MSRA: variants seen among roughly 807,000 people sequenced by gnomAD.
The protein encoded by MSRA is mitochondrial peptide methionine sulfoxide reductase.
A neutral mutation model predicts 31.3 loss-of-function variants in MSRA; 54 were observed. The ratio of observed to expected loss-of-function variants is 1.73; its 90% CI spans 1.39 to 2.17. The LOEUF (loss-of-function observed/expected upper bound fraction) is 2.17, where lower values mean the gene tolerates loss of function less well. MSRA is among the 30% of genes most tolerant of loss of function. The pLI is 0.00. For synonymous variants in MSRA, 169 were observed against 116.5 expected (o/e 1.45, Z -2.90); for missense variants, 507 against 300.9 (o/e 1.69, Z -5.07).
At chr8:10,109,074 G>C (rs116758804) in intron 1 of MSRA, among the ~76,000 whole-genome samples, 1,552 of 152,262 alleles carry the variant, frequency 0.01, 27 homozygotes, top group African/African-American at 0.034. Context: ...TCTGGCCAGC[G>C]CATTCCCTTT....
chr8:10,066,754 C>G (rs998137311), intron 1 of MSRA, among the ~76,000 whole-genome samples: 3 of 151,850 alleles, frequency 2.0e-5, no homozygotes, highest in South Asian at 2.1e-4. Flanking sequence ...GGGCTGGTCT[C>G]GAACTCCTGA....
chr8:10,355,388 CTTT>C (rs1804449261), intron 5 of MSRA, among the ~76,000 whole-genome samples: 1 of 152,216 alleles, frequency 6.6e-6, no homozygotes, highest in Admixed American at 6.5e-5. Flanking sequence ...GCCATCACTT[CTTT>C]GATTGTCACT....
intron 1 of MSRA, among the ~76,000 whole-genome samples, chr8:10,083,149 G>T (rs184264937): frequency 6.6e-6 from 1 of 152,194 alleles, no homozygotes; most frequent in East Asian, 1.9e-4. Flanking sequence ...ATTTTTTTCT[G>T]TGTTAAAAAT....
chr8:10,234,635 G>A (rs1051765865), intron 2 of MSRA, among the ~76,000 whole-genome samples: 1 of 152,040 alleles, frequency 6.6e-6, no homozygotes, highest in African/African-American at 2.4e-5. Flanking sequence ...TTACTAATTA[G>A]AGGAAGAGAT....
intron 1 of MSRA, among the ~76,000 whole-genome samples, chr8:10,071,849 A>G (rs1797747316): frequency 6.6e-6 from 1 of 152,166 alleles, no homozygotes; most frequent in Admixed American, 6.5e-5. Context: ...TGCCCGCTGT[A>G]TCTCAGTACG....
intron 1 of MSRA, among the ~76,000 whole-genome samples, chr8:10,172,206 A>G (rs1471847289): frequency 1.3e-5 from 2 of 152,106 alleles, no homozygotes; most frequent in Non-Finnish European, 2.9e-5. Context: ...TCACGGGAGT[A>G]TGGGTTGGTG....
Position 10,285,007 on chromosome 8 carries a change from T to C in MSRA, c.332-16527T>C, listed in dbSNP as rs972220988. ...ATTTATCTAGATTTTCATGACTTCC[T>C]CCCCAATCTTTTTTTCTTTAAAAAA... On this transcript the variant is annotated intron_variant, in intron 3 of 5. Transcript: ENST00000317173. Among the ~76,000 whole-genome samples the C allele has an allele frequency of 6.1e-5, 8 of 131,310 alleles. No individual in the cohort carries two copies. The East Asian group carries it at 1.1e-3, about 19-fold the overall frequency. 86.1% of individuals were successfully genotyped at this position (131,310 alleles called of 152,430 possible). A position where few individuals can be genotyped will look rare whatever the true frequency, so the allele number is the denominator to read the frequency against.
chr8:10,153,401 C>A (rs1803879389), intron 1 of MSRA, among the ~76,000 whole-genome samples: 1 of 152,168 alleles, frequency 6.6e-6, no homozygotes, highest in Non-Finnish European at 1.5e-5. Context: ...TGTATACTTT[C>A]TTCCTTTTCC....
chr8:10,394,585 C>G (rs947209208), intron 5 of MSRA, among the ~76,000 whole-genome samples: 8 of 152,226 alleles, frequency 5.3e-5, no homozygotes, highest in African/African-American at 1.7e-4. Flanking sequence ...ACATCCATTT[C>G]AAAGATGGGA....
intron 1 of MSRA, among the ~76,000 whole-genome samples, chr8:10,155,497 G>C (rs1804081302): frequency 6.6e-6 from 1 of 152,198 alleles, no homozygotes; most frequent in Admixed American, 6.5e-5. Flanking sequence ...CAGCTGAAGA[G>C]CGTAGAAGCT....
chr8:10,379,553 C>A (rs1170415273), intron 5 of MSRA, among the ~76,000 whole-genome samples: 1 of 152,212 alleles, frequency 6.6e-6, no homozygotes, highest in East Asian at 1.9e-4. Context: ...GCCAGTCCTT[C>A]CTCTCATGCC....
chr8:10,218,676 T>C (rs1352242008), intron 2 of MSRA, among the ~76,000 whole-genome samples: 3 of 152,256 alleles, frequency 2.0e-5, no homozygotes, highest in African/African-American at 7.2e-5. Context: ...TTTTGCTCCA[T>C]GTATCTGAGC....
chr8:10,157,024 C>A (rs1804212001), intron 1 of MSRA, among the ~76,000 whole-genome samples: 1 of 151,880 alleles, frequency 6.6e-6, no homozygotes, highest in African/African-American at 2.4e-5. Flanking sequence ...CAGGAGGAGA[C>A]AGGCTCAGGA....
At chr8:10,120,872 G>A (rs1388963186) in intron 1 of MSRA, among the ~76,000 whole-genome samples, 1 of 152,144 alleles carries the variant, frequency 6.6e-6, no homozygotes, top group African/African-American at 2.4e-5. Context: ...ACACGTCCAT[G>A]ATTTGCATGT....
chr8:10,208,973 C>G (rs115543248), intron 2 of MSRA, among the ~76,000 whole-genome samples: 61 of 152,298 alleles, frequency 4.0e-4, no homozygotes, highest in African/African-American at 1.5e-3. Flanking sequence ...AGAGATGGAA[C>G]CAGAATTAGG....
chr8:10,377,330 GGGACTTCTGA>G (rs1805811999), intron 5 of MSRA, among the ~76,000 whole-genome samples: 1 of 152,248 alleles, frequency 6.6e-6, no homozygotes, highest in Non-Finnish European at 1.5e-5. Flanking sequence ...GCATCTACGT[GGGACTTCTGA>G]TTTGAGGCAC....
At chr8:10,201,211 C>T (rs924203862) in intron 1 of MSRA, among the ~76,000 whole-genome samples, 2 of 152,060 alleles carry the variant, frequency 1.3e-5, no homozygotes, top group African/African-American at 4.8e-5. Flanking sequence ...AGTGTAGTAG[C>T]AGCTGGATTA....
intron 1 of MSRA, among the ~76,000 whole-genome samples, chr8:10,198,896 G>A (rs756464131): frequency 1.1e-4 from 16 of 152,144 alleles, no homozygotes; most frequent in Non-Finnish European, 2.1e-4. Context: ...TTAGATTGTA[G>A]CGTTTCATGT....
intron 2 of MSRA, among the ~76,000 whole-genome samples, chr8:10,210,346 C>G (rs946082161): frequency 2.2e-4 from 34 of 152,326 alleles, no homozygotes; most frequent in African/African-American, 8.2e-4. Flanking sequence ...TGTTCCCTGA[C>G]TCTCTCTGCA....
Sources: gnomAD v4.1 joint callset for allele counts (sites outside exome capture counted in the v4.1 genomes callset) on GRCh38, gnomAD v4.1.1 for gene constraint, MANE v1.5 for transcripts, NCBI Gene and HGNC (gene_info 2026-07-23, HGNC 2026-07-21) for gene names.